Variants in TANC2 observed in about 807,000 individuals in gnomAD.
TANC2 encodes tetratricopeptide repeat, ankyrin repeat and coiled-coil containing 2.
TANC2 carries 26 observed loss-of-function variants against 210.5 expected under a neutral mutation model. The observed-to-expected ratio is 0.12, with a 90% CI of 0.09 to 0.17. TANC2 has a LOEUF of 0.17. Among genes scored for constraint, TANC2 ranks in the 10% least tolerant of loss-of-function variants. TANC2 has a pLI of 1.00. For synonymous variants in TANC2, 931 were observed against 967.1 expected, an observed-to-expected ratio of 0.96 and a Z score of 0.69; for missense variants, 2,129 against 2,608.9, an observed-to-expected ratio of 0.82 and a Z score of 4.01.
At chr17:63,334,310 A>G (rs970830575) in intron 11 of TANC2, among the ~76,000 whole-genome samples, 1 of 152,234 alleles carries the variant, frequency 6.6e-6, no homozygotes, top group Non-Finnish European at 1.5e-5. Context: ...AACTTGCTCA[A>G]AAAAAGATAG....
intron 2 of TANC2, among the ~76,000 whole-genome samples, chr17:63,059,059 T>A (rs1164632750): frequency 6.6e-6 from 1 of 152,216 alleles, no homozygotes; most frequent in Non-Finnish European, 1.5e-5. Flanking sequence ...TATTGATTCT[T>A]CTGATCCATG....
intron 9 of TANC2, among the ~76,000 whole-genome samples, chr17:63,282,463 T>C (rs939576976): frequency 6.6e-6 from 1 of 152,108 alleles, no homozygotes; most frequent in East Asian, 1.9e-4. Context: ...TCTATTTCCT[T>C]TGAGAAATTG....
At chr17:63,322,132 G>A (rs750496474) in intron 11 of TANC2, among the ~76,000 whole-genome samples, 8 of 152,112 alleles carry the variant, frequency 5.3e-5, no homozygotes, top group Non-Finnish European at 8.8e-5. Context: ...TGAGATTTCC[G>A]TCAATTCATT....
At chr17:62,995,263 A>C (rs241074) in intron 1 of TANC2, among the ~76,000 whole-genome samples, 8,668 of 152,292 alleles carry the variant, frequency 0.057, 369 homozygotes, top group African/African-American at 0.12. Context: ...GATAGTGTTG[A>C]CAGTTGTAGT....
At chr17:63,270,999 G>A (rs375671190) in intron 9 of TANC2, among the ~76,000 whole-genome samples, 40 of 152,182 alleles carry the variant, frequency 2.6e-4, no homozygotes, top group African/African-American at 8.9e-4. Context: ...ACATGATCTC[G>A]TTCTTTTTTA....
exon 28 of TANC2, chr17:63,422,707 C>A (rs2049056088): frequency 2.0e-5 from 3 of 152,170 alleles, no homozygotes; most frequent in Admixed American, 2.0e-4. Context: ...TAAGAGAATT[C>A]ACTGAGAGTT....
intron 9 of TANC2, among the ~76,000 whole-genome samples, chr17:63,269,459 TG>T (rs1227487691): frequency 6.6e-6 from 1 of 152,192 alleles, no homozygotes; most frequent in Non-Finnish European, 1.5e-5. Flanking sequence ...ACAGAACTAC[TG>T]ATCTATATGG....
chr17:63,188,544 G>T (rs1327021686), intron 5 of TANC2, among the ~76,000 whole-genome samples: 1 of 145,496 alleles, frequency 6.9e-6, no homozygotes, highest in African/African-American at 2.6e-5. Context: ...AGTGAGCTGA[G>T]CCCCACTGTA....
intron 11 of TANC2, among the ~76,000 whole-genome samples, chr17:63,328,293 C>CAT (rs2146689359): frequency 6.6e-6 from 1 of 152,076 alleles, no homozygotes; most frequent in South Asian, 2.1e-4. Context: ...TACCCATTAA[C>CAT]AAACCTGCCC....
chr17:63,195,619 C>G (rs975889526), intron 6 of TANC2, among the ~76,000 whole-genome samples: 2 of 152,100 alleles, frequency 1.3e-5, no homozygotes, highest in South Asian at 4.1e-4. Context: ...GCCCCTAGAA[C>G]ATTACTGTCA....
chr17:63,318,911 GT>G (rs1288381689), intron 10 of TANC2, 45 bp from the exon 11 acceptor site: 1 of 1,608,556 alleles, frequency 6.2e-7, no homozygotes, highest in African/African-American at 1.3e-5. Flanking sequence ...TTTCCTTAAA[GT>G]TTTTATGATT....
chr17:63,032,398 A>G (rs1336998814), intron 2 of TANC2, among the ~76,000 whole-genome samples: 1 of 152,038 alleles, frequency 6.6e-6, no homozygotes, highest in African/African-American at 2.4e-5. Flanking sequence ...AGAGGGAGGG[A>G]GTAAATTAGT....
chr17:63,302,599 CTTTTTTTTTTTTTT>C (rs568226580), intron 9 of TANC2, among the ~76,000 whole-genome samples: 2 of 22,734 alleles, frequency 8.8e-5, no homozygotes, highest in African/African-American at 3.3e-4. Flanking sequence ...GCAACCCCTG[CTTTTTTTTTTTTTT>C]TTTTTTTTTT....
At chr17:63,182,263 A>G (rs1225997162) in intron 5 of TANC2, 8 of 192,874 alleles carry the variant, frequency 4.1e-5, no homozygotes, top group Non-Finnish European at 1.1e-5. Flanking sequence ...AACTGGCACC[A>G]AAGTGGCATC....
At chr17:63,393,263 A>G (rs776091932) in intron 17 of TANC2, 5 of 152,188 alleles carry the variant, frequency 3.3e-5, no homozygotes, top group African/African-American at 1.2e-4. Context: ...CCACGTAAGC[A>G]ATGCTGTACC....
At chr17:63,175,533 C>CAAA (rs57220783) in intron 5 of TANC2, among the ~76,000 whole-genome samples, 4 of 103,366 alleles carry the variant, frequency 3.9e-5, no homozygotes, top group Non-Finnish European at 6.0e-5. Context: ...TCTCCCCCGC[C>CAAA]AAAAAAAAAA....
At chr17:63,360,526 T>TAC (rs1221738809) in intron 14 of TANC2, among the ~76,000 whole-genome samples, 45 of 151,384 alleles carry the variant, frequency 3.0e-4, no homozygotes, top group Non-Finnish European at 5.0e-4. Flanking sequence ...CATACATACA[T>TAC]ATATATATAT....
Position 63,111,935 on chromosome 17 carries a change from A to G in TANC2, c.322+12578A>G, listed in dbSNP as rs999061794. 1.1e-4 allele frequency among the ~76,000 whole-genome samples: 16 copies of G among 152,234 alleles called. No individual in the cohort carries two copies. The East Asian group carries it at 1.4e-3, about 13-fold the overall frequency. On this transcript the variant is annotated intron_variant, in intron 4 of 27. Transcript: ENST00000689528. Reference sequence around the variant, plus strand: ...GAGACGGGGTTTCACCATGTTGGCCAGGATGGTCTCGATCTCCTGACCTTG... The same window carrying G: ...GAGACGGGGTTTCACCATGTTGGCCGGGATGGTCTCGATCTCCTGACCTTG...
chr17:63,413,268 T>C lies in TANC2; in HGVS notation c.3929-275T>C, dbSNP rs567297948. On this transcript the variant is annotated intron_variant, in intron 24 of 27. Transcript: ENST00000689528. ...TTTAAAATAATTCCAAACTGAGCCA[T>C]TGCTTGCCCACATGCAGCACGCAGG... The C allele has an allele frequency of 8.2e-5, 27 of 329,148 alleles. No homozygotes were observed. In the Middle Eastern group the frequency reaches 2.4e-3, roughly 29 times the overall value. 20.4% of individuals were successfully genotyped at this position (329,148 alleles called of 1,614,324 possible).
Sources: allele counts gnomAD v4.1 joint callset (sites outside exome capture counted in the v4.1 genomes callset), GRCh38; gene constraint gnomAD v4.1.1; transcripts MANE v1.5; gene names NCBI Gene and HGNC (gene_info 2026-07-23, HGNC 2026-07-21).